SUCLG2: variants seen among roughly 807,000 people sequenced by gnomAD.
SUCLG2 encodes succinate--CoA ligase [GDP-forming] subunit beta, mitochondrial.
In SUCLG2, 42 loss-of-function variants were observed where a neutral mutation model predicts 47.9. That is an observed-to-expected ratio of 0.88 (90% CI 0.69 to 1.14). SUCLG2 has a LOEUF of 1.14. SUCLG2 is among the 50% of genes most tolerant of loss of function. The probability of loss-of-function intolerance (pLI) is 0.00; values close to 1 mark genes in which losing one functional copy is unlikely to be tolerated. For synonymous variants in SUCLG2, 195 were observed against 197.3 expected (o/e 0.99, Z 0.10); for missense variants, 571 against 525.9 (o/e 1.09, Z -0.84).
intron 1 of SUCLG2, among the ~76,000 whole-genome samples, chr3:67,614,217 T>G (rs886977261): frequency 2.3e-4 from 35 of 152,286 alleles, no homozygotes; most frequent in African/African-American, 8.4e-4. Context: ...GCCAGTCATT[T>G]GCCAGCCTGC....
At chr3:67,482,761 G>C (rs1559542686) in intron 9 of SUCLG2, among the ~76,000 whole-genome samples, 1 of 152,150 alleles carries the variant, frequency 6.6e-6, no homozygotes, top group African/African-American at 2.4e-5. Context: ...AGTCACTTTT[G>C]TCTCCCTCTC....
chr3:67,457,903 C>CT lies in SUCLG2; in HGVS notation c.1062+37894dup, dbSNP rs200498957. Reference sequence around the variant, plus strand: ...TTGCATAGTCCCTTCCCTTTGGATCCTGGCTGAGTCTGTGACTTGCTTTAG... The same window carrying CT: ...TTGCATAGTCCCTTCCCTTTGGATCCTTGGCTGAGTCTGTGACTTGCTTTAG... On this transcript the variant is annotated intron_variant, in intron 9 of 10. Coordinates refer to ENST00000307227, the MANE Select transcript of SUCLG2 (RefSeq NM_003848.4). 5.1e-3 allele frequency among the ~76,000 whole-genome samples: 770 copies of CT among 152,148 alleles called. 9 individuals are homozygous for CT. Among genetic ancestry groups the CT allele is most frequent in the African/African-American group, 0.017 (724 of 41,508 alleles).
downstream of SUCLG2, chr3:67,374,659 T>C: frequency 2.9e-6 from 2 of 687,530 alleles, no homozygotes; most frequent in Non-Finnish European, 3.6e-6. Context: ...CTAGTGTCTT[T>C]GTAAAAAAAA....
intron 6 of SUCLG2, among the ~76,000 whole-genome samples, chr3:67,516,223 T>A (rs977030830): frequency 6.6e-6 from 1 of 152,206 alleles, no homozygotes; most frequent in Non-Finnish European, 1.5e-5. Context: ...TTTCCTTTCC[T>A]CGATAAATTA....
rs369120172 is a variant in SUCLG2 at position 67,592,650 on chromosome 3, T to A, written c.226+16805A>T. ...TAGGTCCTCCTTGTTATTCAAGACA[T>A]CAACTCAACAAGTGGGAAAAGACAT... is the stretch of plus-strand genomic sequence containing the variant. On this transcript the variant is annotated intron_variant, in intron 2 of 10. Coordinates refer to ENST00000307227, the MANE Select transcript of SUCLG2 (RefSeq NM_003848.4). Among the ~76,000 whole-genome samples, 91 of 132,608 alleles carry A rather than the reference T, an allele frequency of 6.9e-4. 1 individual carries two copies. In the East Asian group the frequency reaches 0.014, roughly 20 times the overall value. The allele number at this position is 132,608 out of a possible 152,430, so 87.0% of individuals were successfully genotyped here. A position where few individuals can be genotyped will look rare whatever the true frequency, so the allele number is the denominator to read the frequency against.
chr3:67,386,351 G>C (rs6762495), intron 10 of SUCLG2, among the ~76,000 whole-genome samples: 5,843 of 151,478 alleles, frequency 0.039, 363 homozygotes, highest in African/African-American at 0.13. Context: ...CTGAATAACA[G>C]ACACTTTAAT....
At chr3:67,464,665 C>A (rs73836527) in intron 9 of SUCLG2, among the ~76,000 whole-genome samples, 1 of 152,158 alleles carries the variant, frequency 6.6e-6, no homozygotes, top group Non-Finnish European at 1.5e-5. Flanking sequence ...ACTGTCACAA[C>A]GAGAAAATAT....
At chr3:67,559,749 C>G (rs1246478446) in intron 2 of SUCLG2, among the ~76,000 whole-genome samples, 1 of 152,136 alleles carries the variant, frequency 6.6e-6, no homozygotes, top group African/African-American at 2.4e-5. Flanking sequence ...GAATTTTTCA[C>G]AGAGAATTTT....
chr3:67,460,039 T>C (rs35291546), intron 9 of SUCLG2, among the ~76,000 whole-genome samples: 88 of 152,320 alleles, frequency 5.8e-4, no homozygotes, highest in South Asian at 1.2e-3. Context: ...GTGACGTGAT[T>C]CCACCCAGCT....
At chr3:67,493,687 C>T (rs1014012702) in intron 9 of SUCLG2, among the ~76,000 whole-genome samples, 4 of 152,206 alleles carry the variant, frequency 2.6e-5, no homozygotes, top group South Asian at 2.1e-4. Context: ...TATTTTATTA[C>T]AATCGTCTGT....
intron 9 of SUCLG2, among the ~76,000 whole-genome samples, chr3:67,452,281 A>G (rs1704074348): frequency 6.6e-6 from 1 of 152,250 alleles, no homozygotes; most frequent in Non-Finnish European, 1.5e-5. Context: ...ATACATTAAT[A>G]AAAAGCATAA....
intron 2 of SUCLG2, among the ~76,000 whole-genome samples, chr3:67,539,116 A>G (rs1706628941): frequency 6.6e-6 from 1 of 152,156 alleles, no homozygotes; most frequent in Non-Finnish European, 1.5e-5. Context: ...GTGGTGAGAG[A>G]GGGCATCCTT....
At chr3:67,383,535 A>G (rs1446247376) in intron 10 of SUCLG2, among the ~76,000 whole-genome samples, 3 of 152,216 alleles carry the variant, frequency 2.0e-5, no homozygotes, top group Non-Finnish European at 4.4e-5. Context: ...CACAGTAAGA[A>G]GAAATCAACA....
At chr3:67,588,561 T>G (rs1367781728) in intron 2 of SUCLG2, among the ~76,000 whole-genome samples, 1 of 152,192 alleles carries the variant, frequency 6.6e-6, no homozygotes, top group East Asian at 1.9e-4. Context: ...TTACTTACAT[T>G]ACTATAAATT....
chr3:67,469,423 AC>A (rs1704548233), intron 9 of SUCLG2, among the ~76,000 whole-genome samples: 2 of 152,172 alleles, frequency 1.3e-5, no homozygotes, highest in Admixed American at 1.3e-4. Context: ...TCTTAGCTAT[AC>A]TTTATTTTAA....
intron 10 of SUCLG2, among the ~76,000 whole-genome samples, chr3:67,361,602 G>C (rs1214605387): frequency 6.6e-6 from 1 of 152,158 alleles, no homozygotes; most frequent in African/African-American, 2.4e-5. Flanking sequence ...GGCAACTTTG[G>C]TACAGCCTGC....
chr3:67,573,778 C>A (rs1431203459), intron 2 of SUCLG2, among the ~76,000 whole-genome samples: 2 of 151,340 alleles, frequency 1.3e-5, no homozygotes, highest in Non-Finnish European at 3.0e-5. Flanking sequence ...TTGTTTCCCC[C>A]TTTTTTTTTC....
At chr3:67,462,621 A>G (rs1274789523) in intron 9 of SUCLG2, among the ~76,000 whole-genome samples, 1 of 152,160 alleles carries the variant, frequency 6.6e-6, no homozygotes, top group Non-Finnish European at 1.5e-5. Flanking sequence ...CTTTATCTGT[A>G]TCTTCTGTAA....
At chr3:67,389,109 A>G (rs1227717823) in intron 10 of SUCLG2, among the ~76,000 whole-genome samples, 1 of 152,148 alleles carries the variant, frequency 6.6e-6, no homozygotes, top group Non-Finnish European at 1.5e-5. Context: ...AGTCAATGAC[A>G]TTAGGCAGAA....
Sources: allele counts gnomAD v4.1 joint callset (sites outside exome capture counted in the v4.1 genomes callset), GRCh38; gene constraint gnomAD v4.1.1; transcripts MANE v1.5; gene names NCBI Gene and HGNC (gene_info 2026-07-23, HGNC 2026-07-21).